CA11: variants seen among roughly 807,000 people sequenced by gnomAD.
The protein encoded by CA11 is carbonic anhydrase-related protein 11.
In CA11, 20 loss-of-function variants were observed where a neutral mutation model predicts 39.3. The observed-to-expected ratio is 0.51, with a 90% confidence interval of 0.36 to 0.74. CA11 has a LOEUF of 0.74. CA11 is among the 30% of genes least tolerant of loss of function. CA11 has a pLI of 0.00. For synonymous variants in CA11, 166 were observed against 172.5 expected (o/e 0.96, Z 0.29); for missense variants, 336 against 424.6 (o/e 0.79, Z 1.83).
In CA11 at chr19:48,645,748, C is replaced by T; in HGVS notation, c.-116G>A. The stretch of plus-strand genomic sequence containing the variant: ...GGACTTCCAGCTTTCCTCTCCTCCC[C>T]ACAGGGAGTCCCAGTTCCCCAAATG... On this transcript the variant is annotated 5_prime_UTR_variant, in exon 1 of 9. Transcript: ENST00000084798. 1.2e-6 allele frequency: 1 copy of T among 806,458 alleles called. No homozygotes were observed. The highest frequency in any genetic ancestry group is 2.0e-5 in the South Asian group (1 of 48,912). 50.0% of individuals were successfully genotyped at this position (806,458 alleles called of 1,614,324 possible).
intron 8 of CA11, chr19:48,638,374 TGGGGGG>T (rs10561261): frequency 3.2e-3 from 256 of 80,898 alleles, no homozygotes; most frequent in Middle Eastern, 0.017. Flanking sequence ...AAGGTCTTCA[TGGGGGG>T]GGGGGGGTGT....
Position 48,643,630 on chromosome 19 carries a change from CAAAA to C in CA11, c.285+793_285+796del, listed in dbSNP as rs1169751929. ...GGGTCACAGAGTGAGATCCCAATTC[CAAAA>C]AAAAAAAAAAAAAGTATGGTTCCCA... is the stretch of plus-strand genomic sequence containing the variant. On this transcript the variant is annotated intron_variant, in intron 3 of 8. Transcript: ENST00000084798. The surrounding 1 kb of genome is among the most constrained non-coding windows in gnomAD (Gnocchi z 4.3). Among the ~76,000 whole-genome samples the C allele has an allele frequency of 1.8e-5, 2 of 109,384 alleles. No individual in the cohort carries two copies. Among genetic ancestry groups the C allele is most frequent in the African/African-American group, 3.4e-5 (1 of 29,018 alleles). The allele number at this position is 109,384 out of a possible 152,430, so 71.8% of individuals were successfully genotyped here.
chr19:48,638,381 G>GGA (rs1687851463), intron 8 of CA11: 2 of 348,388 alleles, frequency 5.7e-6, no homozygotes, highest in Non-Finnish European at 7.9e-6. Flanking sequence ...TCATGGGGGG[G>GGA]GGGGGGTGTG....
Position 48,645,982 on chromosome 19 carries a change from T to G in CA11, c.-350A>C, listed in dbSNP as rs909265696. The stretch of plus-strand genomic sequence containing the variant: ...ACACCTCCTCTCCGTTCTCTTTTCA[T>G]TAAGCTCTCCCAAGCCACCTAACTC... On this transcript the variant is annotated 5_prime_UTR_variant, in exon 1 of 9. It removes an upstream start codon present in the reference 5' UTR. Transcript: ENST00000084798. 2 of 419,724 alleles carry G rather than the reference T, an allele frequency of 4.8e-6. No homozygotes were observed. Among genetic ancestry groups the G allele is most frequent in the African/African-American group, 4.1e-5 (2 of 48,682 alleles). 26.0% of individuals were successfully genotyped at this position (419,724 alleles called of 1,614,324 possible). A position where few individuals can be genotyped will look rare whatever the true frequency, so the allele number is the denominator to read the frequency against.
chr19:48,645,983 T>C lies in CA11; in HGVS notation c.-351A>G. The stretch of plus-strand genomic sequence containing the variant: ...CACCTCCTCTCCGTTCTCTTTTCAT[T>C]AAGCTCTCCCAAGCCACCTAACTCC... On this transcript the variant is annotated 5_prime_UTR_variant, in exon 1 of 9. Coordinates refer to ENST00000084798, the MANE Select transcript of CA11 (RefSeq NM_001217.5). 2.4e-6 allele frequency: 1 copy of C among 418,580 alleles called. No individual in the cohort carries two copies. The highest frequency in any genetic ancestry group is 4.2e-6 in the Non-Finnish European group (1 of 238,218). The allele number at this position is 418,580 out of a possible 1,614,324, so 25.9% of individuals were successfully genotyped here.
At chr19:48,638,176 C>T in intron 8 of CA11, 32 bp from the exon 9 acceptor site, 1 of 1,247,308 alleles carries the variant, frequency 8.0e-7, no homozygotes. Flanking sequence ...CAGGGGGCGT[C>T]AGTATAGGAT....
chr19:48,640,536 G>T (rs1451332161), intron 3 of CA11, among the ~76,000 whole-genome samples: 2 of 151,512 alleles, frequency 1.3e-5, no homozygotes, highest in African/African-American at 4.9e-5. Flanking sequence ...CACCATGCCC[G>T]GCTAATTTTT....
chr19:48,642,757 A>T (rs1180480941), intron 3 of CA11, among the ~76,000 whole-genome samples: 2 of 152,146 alleles, frequency 1.3e-5, no homozygotes, highest in Admixed American at 1.3e-4. Flanking sequence ...TGGTGCCTAC[A>T]TGAGACTGGG....
chr19:48,645,548 G>A lies in CA11; in HGVS notation c.67+18C>T, dbSNP rs2031223251. 6.2e-7 allele frequency: 1 copy of A among 1,600,332 alleles called. No homozygotes were observed. Among genetic ancestry groups the A allele is most frequent in the Non-Finnish European group, 8.5e-7 (1 of 1,173,560 alleles). On this transcript the variant is annotated intron_variant, in intron 1 of 8. Coordinates refer to ENST00000084798, the MANE Select transcript of CA11 (RefSeq NM_001217.5). ...CCACCCTCCCTCGGGGGCTCCTCCCGGGAACCCCAGGTCTTACCTGCTGCC... is the reference window on the plus strand; with the variant it reads ...CCACCCTCCCTCGGGGGCTCCTCCCAGGAACCCCAGGTCTTACCTGCTGCC...
chr19:48,638,567 G>C (rs1163215196), intron 8 of CA11: 1 of 160,194 alleles, frequency 6.2e-6, no homozygotes, highest in Admixed American at 6.5e-5. Context: ...GATCCAAATT[G>C]TACCATTTTG....
chr19:48,645,381 T>C, intron 2 of CA11, 22 bp downstream of exon 2: 1 of 1,563,056 alleles, frequency 6.4e-7, no homozygotes, highest in Non-Finnish European at 8.7e-7. Flanking sequence ...GCCGGACTCC[T>C]GGGTCCCCGC....
At position 48,644,995 on chromosome 19, in the gene CA11, G is replaced by A. The variant is rs529223731; in HGVS notation, c.142+408C>T. Among the ~76,000 whole-genome samples, 7 of 152,174 alleles carry A rather than the reference G, an allele frequency of 4.6e-5. No homozygotes were observed. The East Asian group carries it at 5.8e-4, about 13-fold the overall frequency. ...TGCTGCCTACCTGCCCCAGAGCCCCGTGGGAGTTGTAGTTCTTTTTTTTAA... is the reference window on the plus strand; with the variant it reads ...TGCTGCCTACCTGCCCCAGAGCCCCATGGGAGTTGTAGTTCTTTTTTTTAA... On this transcript the variant is annotated intron_variant, in intron 2 of 8. Coordinates refer to ENST00000084798, the MANE Select transcript of CA11 (RefSeq NM_001217.5).
In CA11 at chr19:48,637,952, G is replaced by A. The variant is rs889420790; in HGVS notation, c.*167C>T. ...TTAGAAAGAGGAAGATTGGTTTCCG[G>A]AAGAAGTCTGTTCTTTAATACCCAA... On this transcript the variant is annotated 3_prime_UTR_variant, in exon 9 of 9. Transcript: ENST00000084798. 2.2e-6 allele frequency: 1 copy of A among 444,458 alleles called. No homozygotes were observed. The allele number at this position is 444,458 out of a possible 1,614,324, so 27.5% of individuals were successfully genotyped here.
rs1396642421 is a variant in CA11 at position 48,644,419 on chromosome 19, C to T, written c.285+8G>A. 1 of 1,581,038 alleles carries T rather than the reference C, an allele frequency of 6.3e-7. No individual in the cohort carries two copies. The highest frequency in any genetic ancestry group is 8.6e-7 in the Non-Finnish European group (1 of 1,160,558). ...GGGTTCAATAGCTCCTCCCTCCAAG[C>T]CCCTTACCTTCTCTCCTCCAGTGCT... On this transcript the variant is annotated splice_region_variant and intron_variant, in intron 3 of 8. Coordinates refer to ENST00000084798, the MANE Select transcript of CA11 (RefSeq NM_001217.5).
chr19:48,640,680 T>G (rs1419508927), intron 3 of CA11, among the ~76,000 whole-genome samples: 2 of 148,688 alleles, frequency 1.3e-5, no homozygotes, highest in Non-Finnish European at 3.0e-5. Context: ...GGTCTTTTTT[T>G]TTTTTCTGGG....
chr19:48,640,822 C>G (rs990676384), intron 3 of CA11, among the ~76,000 whole-genome samples: 11 of 151,150 alleles, frequency 7.3e-5, no homozygotes, highest in Non-Finnish European at 1.5e-4. Context: ...CTACAGGCGC[C>G]CGCCACCACA....
At position 48,642,557 on chromosome 19, in the gene CA11, T is replaced by C. The variant is rs151274993; in HGVS notation, c.285+1870A>G. 1.5e-3 allele frequency among the ~76,000 whole-genome samples: 233 copies of C among 152,334 alleles called. 1 individual carries two copies. Among genetic ancestry groups the C allele is most frequent in the African/African-American group, 5.5e-3 (230 of 41,578 alleles). On this transcript the variant is annotated intron_variant, in intron 3 of 8. Transcript: ENST00000084798. ...CATATATATAACACATTTGCCAGAA[T>C]GCCAAACATATAGTAAGTGCTATGT...
At position 48,639,216 on chromosome 19, in the gene CA11, A is replaced by C; in HGVS notation, c.795+89T>G. ...CTTACCTACTTGAGTTCAGTCTATG[A>C]GGAGAGGGAGGGCAGGTGAGCAAGG... On this transcript the variant is annotated intron_variant, in intron 7 of 8. Coordinates refer to ENST00000084798, the MANE Select transcript of CA11 (RefSeq NM_001217.5). 3.9e-6 allele frequency: 6 copies of C among 1,554,358 alleles called. No homozygotes were observed. In the Middle Eastern group the frequency reaches 7.6e-4, roughly 196 times the overall value.
At chr19:48,639,091 G>A (rs1030962795) in intron 7 of CA11, 38 bp from the exon 8 acceptor site, 3 of 1,611,868 alleles carry the variant, frequency 1.9e-6, no homozygotes, top group Non-Finnish European at 2.5e-6. Flanking sequence ...GGAGTGAATA[G>A]TGAATGGTCT....
Sources: gnomAD v4.1 joint callset for allele counts (sites outside exome capture counted in the v4.1 genomes callset) on GRCh38, gnomAD v4.1.1 for gene constraint, Gnocchi (gnomAD v3.1) non-coding constraint, MANE v1.5 for transcripts, NCBI Gene and HGNC (gene_info 2026-07-23, HGNC 2026-07-21) for gene names.